The following NF1 variants were observed in gnomAD, a reference collection of about 807,000 sequenced individuals.
NF1 encodes neurofibromin.
A neutral mutation model predicts 325.7 loss-of-function variants in NF1; 122 were observed. The ratio of observed to expected loss-of-function variants is 0.37; its 90% confidence interval spans 0.32 to 0.44. The LOEUF is 0.44. Ranked by LOEUF, NF1 falls within the 20% of genes least tolerant of loss-of-function variation. NF1 has a pLI of 1.00. For synonymous variants in NF1, 1,091 were observed against 1,186.0 expected (o/e 0.92, Z 1.65); for missense variants, 2,140 against 3,415.4 (o/e 0.63, Z 9.31).
chr17:31,240,229 C>G (rs1002852941), intron 29 of NF1, among the ~76,000 whole-genome samples: 1 of 152,146 alleles, frequency 6.6e-6, no homozygotes, highest in Admixed American at 6.5e-5. Flanking sequence ...TCCCCACCCC[C>G]CACTACACTT....
At chr17:31,177,219 A>G (rs1381057658) in intron 5 of NF1, among the ~76,000 whole-genome samples, 1 of 152,166 alleles carries the variant, frequency 6.6e-6, no homozygotes, top group East Asian at 1.9e-4. Context: ...TTCCAGAGGT[A>G]GGAACACGCA....
At chr17:31,196,433 C>T (rs527691762) in intron 8 of NF1, among the ~76,000 whole-genome samples, 8 of 151,978 alleles carry the variant, frequency 5.3e-5, no homozygotes, top group African/African-American at 1.9e-4. Flanking sequence ...TCTGGTTATT[C>T]ACCCCTTATG....
At chr17:31,221,084 G>C (rs980347633) in intron 14 of NF1, among the ~76,000 whole-genome samples, 2 of 152,112 alleles carry the variant, frequency 1.3e-5, no homozygotes, top group African/African-American at 4.8e-5. Flanking sequence ...CACAGTTTCT[G>C]CTGGGTTGGG....
intron 14 of NF1, among the ~76,000 whole-genome samples, chr17:31,221,194 A>T (rs1311425832): frequency 6.6e-6 from 1 of 151,874 alleles, no homozygotes; most frequent in African/African-American, 2.4e-5. Flanking sequence ...TATATCTTTG[A>T]TGGTTTTAAT....
intron 36 of NF1, among the ~76,000 whole-genome samples, chr17:31,309,685 G>A (rs1481819000): frequency 6.6e-6 from 1 of 152,104 alleles, no homozygotes; most frequent in Non-Finnish European, 1.5e-5. Context: ...CCTCTTTTCA[G>A]TTAGCTGAAA....
intron 7 of NF1, 144 bp from the exon 8 acceptor site, chr17:31,182,364 G>A: frequency 1.4e-6 from 1 of 699,134 alleles, no homozygotes; most frequent in East Asian, 2.7e-5. Context: ...TTACCAGAAT[G>A]CATTTGTGTA....
At position 31,232,121 on chromosome 17, in the gene NF1, T is replaced by C. The variant is rs876660670; in HGVS notation, c.3246T>C (p.Gly1082=). Residue 1082 remains glycine (G), a synonymous_variant, in exon 25 of 58, where the codon GGT becomes GGC. Transcript: ENST00000358273. ...SMEAVVSLLA[G]LPLQPEEGDG... ...AAGCAGTAGTTTCACTTCTAGCTGG[T>C]CTCCCTCTGCAGCCTGAAGAAGGAG... The C allele has an allele frequency of 3.1e-6, 5 of 1,595,342 alleles. No individual in the cohort carries two copies. Among genetic ancestry groups the C allele is most frequent in the East Asian group, 2.3e-5 (1 of 43,694 alleles).
At chr17:31,118,446 C>T (rs988391146) in intron 1 of NF1, among the ~76,000 whole-genome samples, 1 of 152,098 alleles carries the variant, frequency 6.6e-6, no homozygotes, top group Non-Finnish European at 1.5e-5. Context: ...CCCCTAAACC[C>T]CCACCCCGCA....
At position 31,193,581 on chromosome 17, in the gene NF1, A is replaced by G. The variant is rs572904287; in HGVS notation, c.889-6841A>G. Among the ~76,000 whole-genome samples the G allele has an allele frequency of 2.0e-5, 3 of 152,352 alleles. No homozygotes were observed. In the South Asian group the frequency reaches 6.2e-4, roughly 32 times the overall value. Reference sequence around the variant, plus strand: ...AATTGGCAGAGTGAAAAGACAACCTACAGGATGGGAGAAAATATTTGCAAA... The same window carrying G: ...AATTGGCAGAGTGAAAAGACAACCTGCAGGATGGGAGAAAATATTTGCAAA... On this transcript the variant is annotated intron_variant, in intron 8 of 57. Transcript: ENST00000358273.
chr17:31,265,026 A>G (rs1462170632), intron 35 of NF1, among the ~76,000 whole-genome samples: 2 of 152,232 alleles, frequency 1.3e-5, no homozygotes, highest in African/African-American at 4.8e-5. Context: ...GTTCTCTTAG[A>G]ATAGTCCTAA....
At chr17:31,215,879 A>G (rs1346649988) in intron 13 of NF1, among the ~76,000 whole-genome samples, 2 of 152,320 alleles carry the variant, frequency 1.3e-5, no homozygotes, top group Admixed American at 6.5e-5. Context: ...CAAGAGTTCT[A>G]TGAAACTTCG....
intron 1 of NF1, among the ~76,000 whole-genome samples, chr17:31,118,185 G>A (rs1376157981): frequency 6.6e-6 from 1 of 152,028 alleles, no homozygotes; most frequent in East Asian, 1.9e-4. Context: ...AGAAATTGTG[G>A]GAATTGTTGC....
chr17:31,375,765 C>T lies in NF1; in HGVS notation c.*1610C>T, dbSNP rs2070723374. 1 of 232,280 alleles carries T rather than the reference C, an allele frequency of 4.3e-6. No individual in the cohort carries two copies. The highest frequency in any genetic ancestry group is 2.2e-5 in the African/African-American group (1 of 45,252). 14.4% of individuals were successfully genotyped at this position (232,280 alleles called of 1,614,324 possible). ...GTGTTCTGATTTTAATAATATATTT[C>T]ACATTTATCCACACAGTAACAATGT... On this transcript the variant is annotated 3_prime_UTR_variant, in exon 58 of 58. Coordinates refer to ENST00000358273, the MANE Select transcript of NF1 (RefSeq NM_001042492.3).
chr17:31,321,507 T>G (rs1230647715), intron 36 of NF1: 1 of 152,216 alleles, frequency 6.6e-6, no homozygotes, highest in East Asian at 1.9e-4. Flanking sequence ...TACAAAATGC[T>G]TGGTCAAAAT....
chr17:31,222,687 A>G (rs764499062), intron 15 of NF1: 1 of 244,110 alleles, frequency 4.1e-6, no homozygotes, highest in East Asian at 9.6e-5. Flanking sequence ...TATATTATCT[A>G]TAATTTCAAC....
intron 36 of NF1, chr17:31,320,924 C>G (rs973652936): frequency 2.6e-5 from 4 of 153,940 alleles, no homozygotes; most frequent in Admixed American, 6.5e-5. Context: ...TAGTATACAT[C>G]ATAGTATTGG....
chr17:31,265,396 T>C (rs781259186), intron 36 of NF1, 57 bp downstream of exon 36: 35 of 1,289,136 alleles, frequency 2.7e-5, no homozygotes, highest in Non-Finnish European at 3.6e-5. Flanking sequence ...ATAGCAAATA[T>C]AGAGAGATGG....
chr17:31,344,085 A>G (rs944996717), intron 48 of NF1, among the ~76,000 whole-genome samples: 1 of 152,262 alleles, frequency 6.6e-6, no homozygotes, highest in Admixed American at 6.5e-5. Flanking sequence ...GCAAATCACT[A>G]AGTGTTATTT....
At chr17:31,300,915 A>T (rs1162089518) in intron 36 of NF1, among the ~76,000 whole-genome samples, 3 of 152,082 alleles carry the variant, frequency 2.0e-5, no homozygotes, top group Admixed American at 2.0e-4. Context: ...GTCTTTACAT[A>T]TGTTTAAAGA....
Sources: gnomAD v4.1 joint callset for allele counts (sites outside exome capture counted in the v4.1 genomes callset) on GRCh38, gnomAD v4.1.1 for gene constraint, MANE v1.5 for transcripts, NCBI Gene and HGNC (gene_info 2026-07-23, HGNC 2026-07-21) for gene names.